SH3BP1: variants seen among roughly 807,000 people sequenced by gnomAD.
The protein encoded by SH3BP1 is SH3 domain binding protein 1, also known as SH3 domain-binding protein 1.
A neutral mutation model predicts 69.8 loss-of-function variants in SH3BP1; 46 were observed. That is an observed-to-expected ratio of 0.66 (90% confidence interval 0.52 to 0.84). The LOEUF (loss-of-function observed/expected upper bound fraction) is 0.84. SH3BP1 is among the 40% of genes least tolerant of loss of function. SH3BP1 has a pLI of 0.00. For synonymous variants in SH3BP1, 403 were observed against 378.0 expected (o/e 1.07, Z -0.77); for missense variants, 868 against 930.9 (o/e 0.93, Z 0.88).
At chr22:37,648,916 G>A (rs1932830512) in intron 14 of SH3BP1, 1 of 165,250 alleles carries the variant, frequency 6.1e-6, no homozygotes, top group Admixed American at 5.8e-5. Context: ...TGTTAGCCAG[G>A]GTGGTCTCGA....
chr22:37,651,437 C>A (rs954858953), intron 16 of SH3BP1, among the ~76,000 whole-genome samples: 2 of 151,034 alleles, frequency 1.3e-5, no homozygotes, highest in Non-Finnish European at 2.9e-5. Context: ...TCAAGCAATT[C>A]TCCTGCCTTA....
chr22:37,650,005 C>A, intron 14 of SH3BP1, 147 bp from the exon 15 acceptor site: 2 of 849,056 alleles, frequency 2.4e-6, no homozygotes, highest in Non-Finnish European at 4.1e-6. Context: ...GTGAGTGACA[C>A]ATTTACCATC....
chr22:37,645,402 G>A lies in SH3BP1; in HGVS notation c.816G>A (p.Arg272=). The change falls in exon 10 of 18, where the codon AGG becomes AGA. Residue 272 remains arginine, a synonymous_variant. Transcript: ENST00000649765. The part of the protein sequence containing the change: ...SPSMTATHFP[R]VYGVSLATHL... ...CGATGACAGCCACCCACTTCCCCAG[G>A]GTGTATGGGGTGTCGCTGGCAACCC... 6.2e-7 allele frequency: 1 copy of A among 1,613,478 alleles called. No individual in the cohort carries two copies. Among genetic ancestry groups the A allele is most frequent in the African/African-American group, 1.3e-5 (1 of 75,042 alleles).
chr22:37,654,670 C>T (rs370904484), intron 17 of SH3BP1, among the ~76,000 whole-genome samples: 10 of 152,256 alleles, frequency 6.6e-5, no homozygotes, highest in Non-Finnish European at 1.2e-4. Context: ...CTGGCACACT[C>T]ACCTGTCAGT....
intron 1 of SH3BP1, 88 bp downstream of exon 1, chr22:37,639,934 GCT>G: frequency 1.1e-6 from 1 of 932,786 alleles, no homozygotes; most frequent in Non-Finnish European, 1.6e-6. Context: ...GGTGGGGGAG[GCT>G]GGGGACAGCT....
Position 37,641,486 on chromosome 22 carries a change from G to A in SH3BP1, c.207+8G>A. On this transcript the variant is annotated splice_region_variant and intron_variant, in intron 3 of 17. Transcript: ENST00000649765. ...GACATGGACAAGCGGGTGGTGAGTGGGGGGTCCCGGGAAGGAGGGGCCTGA... is the reference window on the plus strand; with the variant it reads ...GACATGGACAAGCGGGTGGTGAGTGAGGGGTCCCGGGAAGGAGGGGCCTGA... 6.5e-7 allele frequency: 1 copy of A among 1,546,826 alleles called. No individual in the cohort carries two copies. Among genetic ancestry groups the A allele is most frequent in the Non-Finnish European group, 8.7e-7 (1 of 1,144,720 alleles).
At chr22:37,641,332 G>A (rs1245873127) in intron 2 of SH3BP1, 42 bp from the exon 3 acceptor site, 8 of 1,544,190 alleles carry the variant, frequency 5.2e-6, no homozygotes, top group South Asian at 4.8e-5. Context: ...CTCAGGGGGA[G>A]ACAGCCTCTC....
chr22:37,655,178 C>A (rs982700809), intron 17 of SH3BP1, 94 bp from the exon 18 acceptor site: 133 of 848,472 alleles, frequency 1.6e-4, no homozygotes, highest in Non-Finnish European at 5.5e-5. Flanking sequence ...GAGGGAACAG[C>A]AGATGCAAAG....
At chr22:37,651,887 G>A (rs1217682702) in intron 16 of SH3BP1, among the ~76,000 whole-genome samples, 6 of 151,758 alleles carry the variant, frequency 4.0e-5, no homozygotes, top group Admixed American at 1.3e-4. Context: ...AAGGGGGAGC[G>A]TGGGGGCTAC....
Position 37,647,044 on chromosome 22 carries a change from A to G in SH3BP1, c.1036+115A>G, listed in dbSNP as rs113280810. On this transcript the variant is annotated intron_variant, in intron 11 of 17. Coordinates refer to ENST00000649765, the MANE Select transcript of SH3BP1 (RefSeq NM_018957.6). ...TTGATATTCTGTTGAGACTGAGGAC[A>G]CTCGGGTTCTTAATGTGGGGTCCAT... 176 of 783,704 alleles carry G rather than the reference A, an allele frequency of 2.2e-4. 1 individual carries two copies. The African/African-American group carries it at 2.7e-3, about 12-fold the overall frequency. 48.5% of individuals were successfully genotyped at this position (783,704 alleles called of 1,614,324 possible). A position where few individuals can be genotyped will look rare whatever the true frequency, so the allele number is the denominator to read the frequency against.
At position 37,654,576 on chromosome 22, in the gene SH3BP1, A is replaced by G. The variant is rs149386879; in HGVS notation, c.1694-696A>G. On this transcript the variant is annotated intron_variant, in intron 17 of 17. Coordinates refer to ENST00000649765, the MANE Select transcript of SH3BP1 (RefSeq NM_018957.6). ...ACAAGAATGAGACTCTGTCTCAAAA[A>G]AAAAAAAAGAAAAAAGGCAGTGGCA... Among the ~76,000 whole-genome samples the G allele has an allele frequency of 1.7e-3, 253 of 151,560 alleles. 1 individual carries two copies. Among genetic ancestry groups the G allele is most frequent in the African/African-American group, 6.0e-3 (247 of 40,960 alleles).
chr22:37,655,428 C>T lies in SH3BP1; in HGVS notation c.1850C>T (p.Pro617Leu), dbSNP rs1932998606. 4 of 1,405,840 alleles carry T rather than the reference C, an allele frequency of 2.8e-6. No homozygotes were observed. The highest frequency in any genetic ancestry group is 3.8e-6 in the Non-Finnish European group (4 of 1,043,688). 87.1% of individuals were successfully genotyped at this position (1,405,840 alleles called of 1,614,324 possible). A position where few individuals can be genotyped will look rare whatever the true frequency, so the allele number is the denominator to read the frequency against. Residue 617 changes from proline to leucine, a missense_variant, in exon 18 of 18, where the codon CCC becomes CTC. Physicochemically the swap from Pro to Leu is moderately conservative, Grantham distance 98. Transcript: ENST00000649765. ...RRLVGSSLRA[P>L]TVPPPLPPTP... ...CTGGTTGGCAGCAGCCTCCGAGCCC[C>T]CACAGTGCCACCCCCGTTACCCCCC...
chr22:37,645,865 G>C (rs1932777908), intron 10 of SH3BP1, among the ~76,000 whole-genome samples: 1 of 151,758 alleles, frequency 6.6e-6, no homozygotes, highest in Admixed American at 6.6e-5. Context: ...TTGCCCCCCT[G>C]TCCTGAAGAT....
rs747265172 is a variant in SH3BP1 at position 37,647,512 on chromosome 22, G to T, written c.1190G>T (p.Ser397Ile). Residue 397 changes from serine to isoleucine, a missense_variant, in exon 13 of 18, where the codon AGC (serine) becomes ATC (isoleucine). Physicochemically the swap from Ser to Ile is moderately radical, Grantham distance 142 (BLOSUM62 -2). Transcript: ENST00000649765. The part of the protein sequence containing the change: ...VCSRLPPENL[S>I]NLRYLMKFLA... The stretch of plus-strand genomic sequence containing the variant: ...AGCCGCCTACCCCCCGAGAACCTCA[G>T]CAACCTCAGGTGAGCCCGAGCCCGC... 2 of 1,603,338 alleles carry T rather than the reference G, an allele frequency of 1.2e-6. No individual in the cohort carries two copies. Among genetic ancestry groups the T allele is most frequent in the African/African-American group, 2.7e-5 (2 of 74,694 alleles).
chr22:37,639,933 G>T, intron 1 of SH3BP1, 87 bp downstream of exon 1: 1 of 997,208 alleles, frequency 1.0e-6, no homozygotes, highest in South Asian at 1.6e-5. Context: ...GGGTGGGGGA[G>T]GCTGGGGACA....
intron 7 of SH3BP1, 92 bp from the exon 8 acceptor site, chr22:37,644,545 C>T (rs1277058365): frequency 2.4e-6 from 3 of 1,240,524 alleles, no homozygotes; most frequent in Non-Finnish European, 3.6e-6. Flanking sequence ...GTTGTGTGGC[C>T]TGGGGGAGGT....
chr22:37,640,407 C>T (rs1448159635), intron 1 of SH3BP1: 2 of 152,044 alleles, frequency 1.3e-5, no homozygotes, highest in African/African-American at 4.8e-5. Context: ...TGGAAATATC[C>T]CCAGGTCTCC....
rs577872661 is a variant in SH3BP1 at position 37,644,357 on chromosome 22, C to A, written c.619-280C>A. On this transcript the variant is annotated intron_variant, in intron 7 of 17. Transcript: ENST00000649765. ...TTGCACCACTGCACTCCAGCCCGGGCAACAGTGTGAGACTCCGTCTCAAAC... is the reference window on the plus strand; with the variant it reads ...TTGCACCACTGCACTCCAGCCCGGGAAACAGTGTGAGACTCCGTCTCAAAC... Among the ~76,000 whole-genome samples the A allele has an allele frequency of 2.6e-5, 4 of 152,320 alleles. No homozygotes were observed. In the East Asian group the frequency reaches 7.7e-4, roughly 29 times the overall value.
chr22:37,648,298 TA>T lies in SH3BP1; in HGVS notation c.1200-19del. 1 of 1,559,702 alleles carries T rather than the reference TA, an allele frequency of 6.4e-7. No individual in the cohort carries two copies. The highest frequency in any genetic ancestry group is 8.7e-7 in the Non-Finnish European group (1 of 1,145,206). On this transcript the variant is annotated intron_variant, in intron 13 of 17. Coordinates refer to ENST00000649765, the MANE Select transcript of SH3BP1 (RefSeq NM_018957.6). Reference sequence around the variant, plus strand: ...GGCTGGGTGCGTTCTGCCCCTGGCCTAAGCCTGCCTCCGCCCTTAGGTACCT... The same window carrying T: ...GGCTGGGTGCGTTCTGCCCCTGGCCTAGCCTGCCTCCGCCCTTAGGTACCT...
Sources: allele counts gnomAD v4.1 joint callset (sites outside exome capture counted in the v4.1 genomes callset), GRCh38; gene constraint gnomAD v4.1.1; transcripts MANE v1.5; gene names NCBI Gene and HGNC (gene_info 2026-07-23, HGNC 2026-07-21).